The following CNOT6 variants were observed in gnomAD, a reference collection of about 807,000 sequenced individuals.
CNOT6 encodes the protein CCR4-NOT transcription complex subunit 6.
In CNOT6, 12 loss-of-function variants were observed where a neutral mutation model predicts 61.2. The observed-to-expected ratio is 0.20, with a 90% CI of 0.13 to 0.32. The LOEUF is 0.32. CNOT6 is among the 10% of genes least tolerant of loss of function. The probability of loss-of-function intolerance (pLI) is 1.00; values close to 1 mark genes in which losing one functional copy is unlikely to be tolerated. For synonymous variants in CNOT6, 225 were observed against 240.6 expected, an observed-to-expected ratio of 0.94 and a Z score of 0.60; for missense variants, 405 against 663.9, an observed-to-expected ratio of 0.61 and a Z score of 4.28.
Position 180,562,087 on chromosome 5 carries a change from T to C in CNOT6, c.386-2402T>C, listed in dbSNP as rs192196023. On this transcript the variant is annotated intron_variant, in intron 4 of 11. Coordinates refer to ENST00000261951, the MANE Select transcript of CNOT6 (RefSeq NM_001370472.1). The stretch of plus-strand genomic sequence containing the variant: ...TTTTGGGTCTGTACCCATTGGTATT[T>C]CCATGTTACTGGCTTCTTAGCTGCA... Among the ~76,000 whole-genome samples, 12 of 152,324 alleles carry C rather than the reference T, an allele frequency of 7.9e-5. No homozygotes were observed. In the East Asian group the frequency reaches 1.9e-3, roughly 25 times the overall value.
chr5:180,505,785 T>G (rs1757111464), intron 1 of CNOT6, among the ~76,000 whole-genome samples: 1 of 151,780 alleles, frequency 6.6e-6, no homozygotes, highest in Admixed American at 6.6e-5. Flanking sequence ...CCTGACCTTG[T>G]GATCCGCCTG....
intron 2 of CNOT6, among the ~76,000 whole-genome samples, chr5:180,548,426 GCCC>G (rs1293374815): frequency 1.3e-5 from 2 of 152,112 alleles, no homozygotes; most frequent in Non-Finnish European, 2.9e-5. Context: ...GGAGTGGGGG[GCCC>G]CATCAGATCT....
intron 4 of CNOT6, among the ~76,000 whole-genome samples, chr5:180,559,236 ACTCTGTTTTC>A (rs967168102): frequency 1.3e-5 from 2 of 151,468 alleles, no homozygotes; most frequent in African/African-American, 4.9e-5. Context: ...ATAATTGTAG[ACTCTGTTTTC>A]CTTTTAGTTC....
intron 1 of CNOT6, among the ~76,000 whole-genome samples, chr5:180,498,687 A>G (rs950240826): frequency 6.6e-6 from 1 of 152,222 alleles, no homozygotes; most frequent in Non-Finnish European, 1.5e-5. Flanking sequence ...GAGCCAAAAT[A>G]TTGTTAGCAG....
intron 4 of CNOT6, among the ~76,000 whole-genome samples, chr5:180,561,961 GT>G (rs926175998): frequency 2.0e-5 from 3 of 152,136 alleles, no homozygotes; most frequent in Non-Finnish European, 2.9e-5. Flanking sequence ...ATGGGACCAC[GT>G]TTTTTTCTTT....
intron 2 of CNOT6, among the ~76,000 whole-genome samples, chr5:180,533,312 CTATATA>C (rs56266069): frequency 0.033 from 4,154 of 127,562 alleles, 266 homozygotes; most frequent in African/African-American, 0.11. Flanking sequence ...GGATGAAAAC[CTATATA>C]TATATATATA....
At chr5:180,495,041 C>T (rs939929587) in intron 1 of CNOT6, among the ~76,000 whole-genome samples, 5 of 152,126 alleles carry the variant, frequency 3.3e-5, no homozygotes, top group Non-Finnish European at 7.4e-5. Context: ...GCTGGGCTCC[C>T]GGATCCCGGC....
intron 1 of CNOT6, among the ~76,000 whole-genome samples, chr5:180,499,964 G>A (rs1756792056): frequency 1.3e-5 from 2 of 152,130 alleles, no homozygotes. Flanking sequence ...GTTCGGCTGG[G>A]TGCAAGCTTT....
intron 6 of CNOT6, among the ~76,000 whole-genome samples, chr5:180,564,950 C>CT (rs1466227798): frequency 2.0e-5 from 3 of 152,348 alleles, no homozygotes; most frequent in Admixed American, 1.3e-4. Context: ...TAAAGCAGTG[C>CT]TTCTCAAACG....
chr5:180,499,695 T>C (rs1184069064), intron 1 of CNOT6, among the ~76,000 whole-genome samples: 1 of 152,202 alleles, frequency 6.6e-6, no homozygotes, highest in African/African-American at 2.4e-5. Context: ...ATAGAACAGT[T>C]TTACACGTTG....
At position 180,567,815 on chromosome 5, in the gene CNOT6, CTGTGTG is replaced by C. The variant is rs146190811; in HGVS notation, c.873-20_873-15del. ...AGCTAACCTCTTGGTATTCCCAACT[CTGTGTG>C]TGTGTGTGTGTGTTGTTTTTGTTTT... On this transcript the variant is annotated intron_variant, in intron 8 of 11. Transcript: ENST00000261951. 7.3e-6 allele frequency: 11 copies of C among 1,516,524 alleles called. No homozygotes were observed. In the South Asian group the frequency reaches 8.3e-5, roughly 11 times the overall value. The allele number at this position is 1,516,524 out of a possible 1,614,324, so 93.9% of individuals were successfully genotyped here.
intron 4 of CNOT6, among the ~76,000 whole-genome samples, chr5:180,556,663 T>A (rs2127752250): frequency 6.6e-6 from 1 of 152,288 alleles, no homozygotes; most frequent in East Asian, 1.9e-4. Flanking sequence ...ATTTTAAGAA[T>A]GCTACCATCC....
chr5:180,498,970 T>C (rs748197676), intron 1 of CNOT6, among the ~76,000 whole-genome samples: 5 of 152,174 alleles, frequency 3.3e-5, no homozygotes, highest in Non-Finnish European at 7.3e-5. Flanking sequence ...TTTGTATTTT[T>C]AGTAGAGGCA....
rs1451186867 is a variant in CNOT6, at chr5:180,575,436, T to C, written c.*1236T>C. On this transcript the variant is annotated 3_prime_UTR_variant, in exon 12 of 12. Coordinates refer to ENST00000261951, the MANE Select transcript of CNOT6 (RefSeq NM_001370472.1). ...ATGTGAATTCTTTTTGTCGTCAGTG[T>C]CTTTTCCTTAGTCTTTTTGTTGTTG... 6.6e-6 allele frequency: 1 copy of C among 152,152 alleles called. No homozygotes were observed. The highest frequency in any genetic ancestry group is 1.5e-5 in the Non-Finnish European group (1 of 68,018). The allele number at this position is 152,152 out of a possible 1,614,324, so 9.4% of individuals were successfully genotyped here.
chr5:180,533,335 TATA>T (rs1225339666), intron 2 of CNOT6, among the ~76,000 whole-genome samples: 70 of 84,372 alleles, frequency 8.3e-4, no homozygotes, highest in South Asian at 3.0e-3. Flanking sequence ...TATATATATA[TATA>T]TATATCACCG....
At chr5:180,548,920 T>C (rs1320806181) in intron 2 of CNOT6, among the ~76,000 whole-genome samples, 1 of 152,254 alleles carries the variant, frequency 6.6e-6, no homozygotes, top group East Asian at 1.9e-4. Context: ...ATTCTTAGAT[T>C]GTAGAAACCA....
In CNOT6 at chr5:180,494,608, A is replaced by G. The variant is rs999345765; in HGVS notation, c.-158A>G. On this transcript the variant is annotated 5_prime_UTR_variant, in exon 1 of 12. Transcript: ENST00000261951. ...CCGAAGCAGTGGCTCTCGGAGGGGG[A>G]ACAAAGAGCAGCGACTAAGGCGGCA... is the stretch of plus-strand genomic sequence containing the variant. 6.6e-6 allele frequency: 1 copy of G among 151,288 alleles called. No individual in the cohort carries two copies. The highest frequency in any genetic ancestry group is 1.4e-5 in the Non-Finnish European group (1 of 70,498). The allele number at this position is 151,288 out of a possible 1,614,324, so 9.4% of individuals were successfully genotyped here. A position where few individuals can be genotyped will look rare whatever the true frequency, so the allele number is the denominator to read the frequency against.
chr5:180,506,102 AC>A (rs1341079579), intron 1 of CNOT6, among the ~76,000 whole-genome samples: 4 of 152,188 alleles, frequency 2.6e-5, no homozygotes, highest in Non-Finnish European at 5.9e-5. Flanking sequence ...GAATAGAAAG[AC>A]TAGCTTTGGA....
intron 1 of CNOT6, among the ~76,000 whole-genome samples, chr5:180,526,763 C>T (rs1018449060): frequency 1.3e-5 from 2 of 151,786 alleles, no homozygotes; most frequent in Admixed American, 6.6e-5. Flanking sequence ...AGAATAAAAG[C>T]GAGACAAGAA....
Sources: allele counts gnomAD v4.1 joint callset (sites outside exome capture counted in the v4.1 genomes callset), GRCh38; gene constraint gnomAD v4.1.1; transcripts MANE v1.5; gene names NCBI Gene and HGNC (gene_info 2026-07-23, HGNC 2026-07-21).